Variants in ATF2 observed in about 807,000 individuals in gnomAD.
ATF2 encodes the protein activating transcription factor 2.
In ATF2, 24 loss-of-function variants were observed where a neutral mutation model predicts 60.6. The ratio of observed to expected loss-of-function variants is 0.40; its 90% CI spans 0.29 to 0.56. The LOEUF is 0.56. ATF2 is among the 20% of genes least tolerant of loss of function. The pLI is 0.54. For synonymous variants in ATF2, 206 were observed against 215.4 expected, an observed-to-expected ratio of 0.96 and a Z score of 0.38; for missense variants, 433 against 607.7, an observed-to-expected ratio of 0.71 and a Z score of 3.02.
At chr2:175,167,942 G>A in intron 1 of ATF2, 108 bp downstream of exon 1, 1 of 352,128 alleles carries the variant, frequency 2.8e-6, no homozygotes, top group South Asian at 2.1e-5. Context: ...CGAGGTGATG[G>A]GAAACGGGGG....
chr2:175,108,091 T>C (rs1368956189), intron 10 of ATF2, among the ~76,000 whole-genome samples: 2 of 149,264 alleles, frequency 1.3e-5, no homozygotes, highest in Non-Finnish European at 3.0e-5. Flanking sequence ...GGAGCGCCTC[T>C]TCCCGGCCGC....
chr2:175,166,131 G>A (rs1424370514), intron 1 of ATF2, among the ~76,000 whole-genome samples: 2 of 152,148 alleles, frequency 1.3e-5, no homozygotes, highest in Admixed American at 6.5e-5. Context: ...CGGAGCTATA[G>A]AAGGTATTAT....
Position 175,136,393 on chromosome 2 carries a change from C to T in ATF2, c.32+19G>A. On this transcript the variant is annotated intron_variant, in intron 3 of 13. Coordinates refer to ENST00000264110, the MANE Select transcript of ATF2 (RefSeq NM_001880.4). Reference sequence around the variant, plus strand: ...AAAATGTAAAAAATGGCTAAAAATACCAAATATTGCACACATACCTGGCAG... The same window carrying T: ...AAAATGTAAAAAATGGCTAAAAATATCAAATATTGCACACATACCTGGCAG... The T allele has an allele frequency of 1.2e-6, 2 of 1,606,030 alleles. No homozygotes were observed. The highest frequency in any genetic ancestry group is 1.7e-6 in the Non-Finnish European group (2 of 1,176,068).
At chr2:175,144,637 A>C (rs1698824623) in intron 2 of ATF2, among the ~76,000 whole-genome samples, 1 of 152,208 alleles carries the variant, frequency 6.6e-6, no homozygotes, top group East Asian at 1.9e-4. Context: ...GCAGTGTCTG[A>C]GTCTAAGCAG....
intron 2 of ATF2, among the ~76,000 whole-genome samples, chr2:175,141,245 T>C (rs1207731295): frequency 6.6e-6 from 1 of 151,298 alleles, no homozygotes. Flanking sequence ...CTCACCCTAG[T>C]TTTTTTCCCT....
chr2:175,106,929 C>T (rs771878125), intron 10 of ATF2, among the ~76,000 whole-genome samples: 1 of 152,002 alleles, frequency 6.6e-6, no homozygotes, highest in Non-Finnish European at 1.5e-5. Context: ...TTTGGGAGGC[C>T]GAGGAGGGTG....
intron 7 of ATF2, among the ~76,000 whole-genome samples, chr2:175,115,915 G>A (rs918535872): frequency 4.6e-5 from 7 of 152,196 alleles, no homozygotes; most frequent in South Asian, 2.1e-4. Flanking sequence ...AACAGCATTC[G>A]AACTGATGAT....
intron 12 of ATF2, among the ~76,000 whole-genome samples, chr2:175,082,271 G>T (rs1693812805): frequency 6.6e-6 from 1 of 152,128 alleles, no homozygotes; most frequent in Non-Finnish European, 1.5e-5. Flanking sequence ...TTAATTAAAA[G>T]ATTAAATGAT....
At chr2:175,085,551 C>T (rs1325434026) in intron 12 of ATF2, among the ~76,000 whole-genome samples, 1 of 72,786 alleles carries the variant, frequency 1.4e-5, no homozygotes, top group African/African-American at 4.4e-5. Context: ...AAATACATAA[C>T]ATACACACAC....
chr2:175,095,821 T>C (rs929326791), intron 11 of ATF2, among the ~76,000 whole-genome samples: 2 of 152,218 alleles, frequency 1.3e-5, no homozygotes, highest in African/African-American at 4.8e-5. Context: ...ATTATATTCA[T>C]TTTTTAGAAA....
intron 3 of ATF2, among the ~76,000 whole-genome samples, chr2:175,131,675 A>G (rs570387221): frequency 6.6e-6 from 1 of 152,346 alleles, no homozygotes; most frequent in South Asian, 2.1e-4. Flanking sequence ...TGATATATAA[A>G]TTTTTAAGTA....
chr2:175,075,072 G>C, intron 13 of ATF2: 1 of 1,356,606 alleles, frequency 7.4e-7, no homozygotes, highest in Non-Finnish European at 9.5e-7. Context: ...ATGGAATAGA[G>C]CTGAAGAAAT....
At chr2:175,079,041 T>C (rs1693571403) in intron 13 of ATF2, among the ~76,000 whole-genome samples, 1 of 152,150 alleles carries the variant, frequency 6.6e-6, no homozygotes, top group Admixed American at 6.5e-5. Flanking sequence ...CTTAGTACTC[T>C]ATGTACTAAA....
At chr2:175,140,202 C>A (rs552354997) in intron 2 of ATF2, among the ~76,000 whole-genome samples, 4 of 152,010 alleles carry the variant, frequency 2.6e-5, no homozygotes, top group Admixed American at 2.6e-4. Flanking sequence ...ATCAGCTAGG[C>A]GAAAATGCCA....
At chr2:175,117,883 C>G (rs562255926) in intron 7 of ATF2, 107 bp downstream of exon 7, 354 of 1,247,914 alleles carry the variant, frequency 2.8e-4, no homozygotes, top group Non-Finnish European at 3.0e-4. Flanking sequence ...AAAACTATTG[C>G]AAGCTGACAC....
intron 13 of ATF2, among the ~76,000 whole-genome samples, chr2:175,076,535 C>T (rs116608270): frequency 0.022 from 3,421 of 152,154 alleles, 60 homozygotes; most frequent in Non-Finnish European, 0.033. Flanking sequence ...CCCAACAGGT[C>T]GTTTCTCAAC....
chr2:175,097,379 A>AAGTT (rs1267514924), intron 11 of ATF2, 65 bp downstream of exon 11: 1 of 1,568,666 alleles, frequency 6.4e-7, no homozygotes, highest in East Asian at 2.3e-5. Flanking sequence ...AATAAGCCGT[A>AAGTT]AGTTACACTG....
At chr2:175,127,041 G>C (rs2105736472) in intron 4 of ATF2, 1 of 152,108 alleles carries the variant, frequency 6.6e-6, no homozygotes, top group East Asian at 1.9e-4. Flanking sequence ...AGAACAGCCT[G>C]GACAACATTG....
intron 5 of ATF2, among the ~76,000 whole-genome samples, chr2:175,120,678 A>C (rs1220341610): frequency 6.6e-6 from 1 of 151,762 alleles, no homozygotes; most frequent in Non-Finnish European, 1.5e-5. Flanking sequence ...ATCTGTGATG[A>C]CACAAAGGAT....
Sources: gnomAD v4.1 joint callset for allele counts (sites outside exome capture counted in the v4.1 genomes callset) on GRCh38, gnomAD v4.1.1 for gene constraint, MANE v1.5 for transcripts, NCBI Gene and HGNC (gene_info 2026-07-23, HGNC 2026-07-21) for gene names.